The following ZNF541 variants were observed in gnomAD, a reference collection of about 807,000 sequenced individuals.
ZNF541 encodes the protein zinc finger protein 541.
Under a neutral mutation model 123.5 loss-of-function variants are expected in ZNF541, and 23 were observed. The observed-to-expected ratio is 0.19, with a 90% confidence interval of 0.13 to 0.26. The LOEUF is 0.26. ZNF541 is among the 10% of genes least tolerant of loss of function. ZNF541 has a pLI of 1.00. For missense variants in ZNF541, 1,612 were observed against 1,789.9 expected (o/e 0.90, Z 1.79); for synonymous variants, 751 against 754.5 (o/e 1.00, Z 0.08).
Position 47,545,724 on chromosome 19 carries a change from G to A in ZNF541, c.805C>T (p.Leu269=), listed in dbSNP as rs1431531934. 6.5e-7 allele frequency: 1 copy of A among 1,546,198 alleles called. No homozygotes were observed. The change falls in exon 5 of 17, where the codon CTG becomes TTG. Residue 269 remains leucine (L), a synonymous_variant. Transcript: ENST00000391901. The surrounding 1 kb of genome is among the most constrained non-coding windows in gnomAD (Gnocchi z 7.5). Reference sequence around the variant, plus strand: ...CGGCGCAGGAGGTCCCGGTGGGGCAGGAGGGAGCCGGGGGACCTGGCCTCT... The same window carrying A: ...CGGCGCAGGAGGTCCCGGTGGGGCAAGAGGGAGCCGGGGGACCTGGCCTCT... ...PPEARSPGSL[L]PHRDLLRRIV...
chr19:47,571,621 A>C (rs1971480916), intron 2 of ZNF541, among the ~76,000 whole-genome samples: 1 of 152,192 alleles, frequency 6.6e-6, no homozygotes, highest in Admixed American at 6.6e-5. Flanking sequence ...CTTACCTGTA[A>C]GTATCTGAGT....
chr19:47,554,418 G>A (rs1237400905), intron 3 of ZNF541, among the ~76,000 whole-genome samples: 1 of 152,066 alleles, frequency 6.6e-6, no homozygotes. Flanking sequence ...GCGACAGAGC[G>A]AGACTCCGTC....
At chr19:47,560,979 C>A (rs1971038061) in intron 2 of ZNF541, among the ~76,000 whole-genome samples, 1 of 151,504 alleles carries the variant, frequency 6.6e-6, no homozygotes, top group African/African-American at 2.4e-5. Context: ...GATTACATAC[C>A]GAAAAAAAAG....
Position 47,556,033 on chromosome 19 carries a change from G to A in ZNF541, c.-98-79C>T, listed in dbSNP as rs544253881. Among the ~76,000 whole-genome samples the A allele has an allele frequency of 2.6e-5, 4 of 152,338 alleles. No homozygotes were observed. In the South Asian group the frequency reaches 8.3e-4, roughly 32 times the overall value. ...GGCAGAGCACGGACTTGCAATGCAA[G>A]CAGACCTCGATCTGGGTCTGTTCTC... On this transcript the variant is annotated intron_variant, in intron 2 of 16. Coordinates refer to ENST00000391901, the MANE Select transcript of ZNF541 (RefSeq NM_001277075.3).
intron 2 of ZNF541, among the ~76,000 whole-genome samples, chr19:47,565,995 G>T (rs1971246348): frequency 6.6e-6 from 1 of 151,910 alleles, no homozygotes; most frequent in South Asian, 2.1e-4. Flanking sequence ...TGGCCAACAT[G>T]GCGAAACCCC....
intron 8 of ZNF541, among the ~76,000 whole-genome samples, chr19:47,538,893 C>A (rs1209637207): frequency 6.6e-6 from 1 of 152,172 alleles, no homozygotes; most frequent in Non-Finnish European, 1.5e-5. Context: ...GCTGCAGAGA[C>A]AAGCCCTACG....
chr19:47,530,709 C>A (rs950297892), intron 12 of ZNF541, among the ~76,000 whole-genome samples: 6 of 151,746 alleles, frequency 4.0e-5, no homozygotes, highest in African/African-American at 1.5e-4. Context: ...TGCAGTGGTG[C>A]GATCTCGGCT....
chr19:47,534,151 A>G (rs1330396260), intron 9 of ZNF541, among the ~76,000 whole-genome samples: 1 of 152,242 alleles, frequency 6.6e-6, no homozygotes, highest in Non-Finnish European at 1.5e-5. Context: ...GAAAATAATA[A>G]AATAACCAAA....
intron 2 of ZNF541, among the ~76,000 whole-genome samples, chr19:47,570,450 AC>A (rs1347309187): frequency 6.7e-6 from 1 of 148,612 alleles, no homozygotes; most frequent in East Asian, 2.0e-4. Flanking sequence ...GGTGGTGGGC[AC>A]CTGTAATCCC....
intron 2 of ZNF541, among the ~76,000 whole-genome samples, chr19:47,568,798 A>G (rs147549018): frequency 0.037 from 5,643 of 152,044 alleles, 183 homozygotes; most frequent in Non-Finnish European, 0.062. Context: ...CAACCTTCCG[A>G]GTAGCTGGGA....
At chr19:47,528,052 C>T (rs1277229637) in intron 14 of ZNF541, among the ~76,000 whole-genome samples, 12 of 137,722 alleles carry the variant, frequency 8.7e-5, no homozygotes, top group Admixed American at 2.2e-4. Flanking sequence ...CCGTGGCTCA[C>T]GCCTGTAATC....
intron 14 of ZNF541, among the ~76,000 whole-genome samples, chr19:47,524,016 G>A (rs1363499177): frequency 6.6e-6 from 1 of 152,192 alleles, no homozygotes; most frequent in Non-Finnish European, 1.5e-5. Context: ...CAGGAAGAGT[G>A]CCCGTTCCCA....
chr19:47,531,471 C>T (rs953746575), intron 12 of ZNF541, among the ~76,000 whole-genome samples, 171 bp downstream of exon 12: 1 of 151,914 alleles, frequency 6.6e-6, no homozygotes, highest in African/African-American at 2.4e-5. Flanking sequence ...CTTAGCATTC[C>T]CCTACAGTCC....
chr19:47,531,987 G>T, intron 11 of ZNF541, 141 bp downstream of exon 11: 1 of 1,195,804 alleles, frequency 8.4e-7, no homozygotes, highest in Non-Finnish European at 1.1e-6. Context: ...AGCAACGCTG[G>T]CCAAGAGCCA....
chr19:47,549,064 C>CAG (rs1970486693), intron 4 of ZNF541, among the ~76,000 whole-genome samples, 181 bp downstream of exon 4: 1 of 114,586 alleles, frequency 8.7e-6, no homozygotes, highest in African/African-American at 4.2e-5. Context: ...GGATGACAGA[C>CAG]AAAAAAAAAA....
At chr19:47,538,631 C>A in intron 8 of ZNF541, 192 bp from the exon 9 acceptor site, 1 of 565,654 alleles carries the variant, frequency 1.8e-6, no homozygotes, top group Non-Finnish European at 3.0e-6. Context: ...CCGGCTGCAG[C>A]CTTCTCCTGC....
intron 14 of ZNF541, among the ~76,000 whole-genome samples, chr19:47,526,519 A>G (rs1423766556): frequency 6.6e-6 from 1 of 151,154 alleles, no homozygotes; most frequent in East Asian, 1.9e-4. Flanking sequence ...AGACATCTCA[A>G]TAAAAACATA....
intron 3 of ZNF541, among the ~76,000 whole-genome samples, chr19:47,550,772 G>A (rs1421199631): frequency 6.6e-6 from 1 of 151,822 alleles, no homozygotes; most frequent in African/African-American, 2.4e-5. Context: ...TCAGCCTACT[G>A]AGTAGCTGGG....
At chr19:47,553,411 T>C (rs1189173889) in intron 3 of ZNF541, among the ~76,000 whole-genome samples, 6 of 141,058 alleles carry the variant, frequency 4.3e-5, no homozygotes, top group Non-Finnish European at 7.8e-5. Flanking sequence ...GCTAATTCTT[T>C]TTTTTTTTTT....
Sources: allele counts gnomAD v4.1 joint callset (sites outside exome capture counted in the v4.1 genomes callset), GRCh38; gene constraint gnomAD v4.1.1; non-coding constraint Gnocchi (gnomAD v3.1); transcripts MANE v1.5; gene names NCBI Gene and HGNC (gene_info 2026-07-23, HGNC 2026-07-21).